Variants in ELMOD1 observed in about 807,000 individuals in gnomAD.
The protein encoded by ELMOD1 is ELMO domain containing 1.
A neutral mutation model predicts 46.7 loss-of-function variants in ELMOD1; 21 were observed. The ratio of observed to expected loss-of-function variants is 0.45; its 90% confidence interval spans 0.32 to 0.65. The LOEUF (loss-of-function observed/expected upper bound fraction) is 0.65, where lower values mean the gene tolerates loss of function less well. Ranked by LOEUF, ELMOD1 falls within the 30% of genes least tolerant of loss-of-function variation. The pLI is 0.04. For synonymous variants in ELMOD1, 122 were observed against 138.2 expected (o/e 0.88, Z 0.82); for missense variants, 348 against 407.8 (o/e 0.85, Z 1.26).
intron 9 of ELMOD1, among the ~76,000 whole-genome samples, chr11:107,652,223 C>G (rs1159832448): frequency 6.6e-6 from 1 of 152,176 alleles, no homozygotes; most frequent in Non-Finnish European, 1.5e-5. Flanking sequence ...TTCTGTCAAG[C>G]CCTGAATATT....
chr11:107,596,081 A>G (rs562486931), intron 1 of ELMOD1, among the ~76,000 whole-genome samples: 2 of 152,124 alleles, frequency 1.3e-5, no homozygotes, highest in Admixed American at 1.3e-4. Context: ...AAGTCTTTAC[A>G]TAACTTTTAA....
intron 1 of ELMOD1, among the ~76,000 whole-genome samples, chr11:107,610,998 C>CAAAAAAA (rs58417281): frequency 1.1e-4 from 11 of 95,788 alleles, no homozygotes; most frequent in Non-Finnish European, 1.5e-4. Context: ...TGTAAGAATC[C>CAAAAAAA]AAAAAAAAAA....
chr11:107,655,889 C>A (rs1483824709), intron 10 of ELMOD1, 44 bp from the exon 11 acceptor site: 9 of 1,576,656 alleles, frequency 5.7e-6, no homozygotes, highest in Non-Finnish European at 7.8e-6. Flanking sequence ...ATACTTATTT[C>A]TTCTATGTGA....
chr11:107,601,668 G>A (rs1417776074), intron 1 of ELMOD1, among the ~76,000 whole-genome samples: 1 of 151,396 alleles, frequency 6.6e-6, no homozygotes, highest in Admixed American at 6.6e-5. Flanking sequence ...CACCTGCCTC[G>A]GCCTCCCAAA....
At position 107,635,701 on chromosome 11, in the gene ELMOD1, T is replaced by C; in HGVS notation, c.356T>C (p.Val119Ala). 6.2e-7 allele frequency: 1 copy of C among 1,613,950 alleles called. No homozygotes were observed. The highest frequency in any genetic ancestry group is 8.5e-7 in the Non-Finnish European group (1 of 1,179,872). Residue 119 changes from valine (V) to alanine (A), a missense_variant, in exon 6 of 12, where the codon GTG becomes GCG. Transcript: ENST00000265840. Reference protein sequence around the residue: ...IVGYRNLIADVEKLRREAYDS... With the variant: ...IVGYRNLIADAEKLRREAYDS... Reference sequence around the variant, plus strand: ...GGGTACAGGAACCTTATTGCAGATGTGGAAAAACTGCGTAGAGAGGCCTAT... The same window carrying C: ...GGGTACAGGAACCTTATTGCAGATGCGGAAAAACTGCGTAGAGAGGCCTAT...
At chr11:107,607,341 T>C (rs1865702754) in intron 1 of ELMOD1, among the ~76,000 whole-genome samples, 1 of 152,226 alleles carries the variant, frequency 6.6e-6, no homozygotes, top group Non-Finnish European at 1.5e-5. Context: ...AGAAAAGCTT[T>C]AAAGTGACAC....
At chr11:107,642,534 A>AT (rs1240940024) in intron 6 of ELMOD1, among the ~76,000 whole-genome samples, 5 of 151,296 alleles carry the variant, frequency 3.3e-5, no homozygotes, top group East Asian at 2.0e-4. Context: ...CACCCAGCTA[A>AT]TTTTTTTTGT....
At chr11:107,642,424 A>G (rs1017186541) in intron 6 of ELMOD1, among the ~76,000 whole-genome samples, 1 of 152,032 alleles carries the variant, frequency 6.6e-6, no homozygotes, top group Non-Finnish European at 1.5e-5. Flanking sequence ...GCTGGAGTGC[A>G]GTGGCACGAT....
At chr11:107,635,113 T>G (rs1436481539) in intron 5 of ELMOD1, among the ~76,000 whole-genome samples, 1 of 152,222 alleles carries the variant, frequency 6.6e-6, no homozygotes, top group Non-Finnish European at 1.5e-5. Context: ...TTTTTTTCCT[T>G]GAAGCCCTTA....
At chr11:107,660,509 T>G (rs1866720584) in intron 11 of ELMOD1, among the ~76,000 whole-genome samples, 1 of 152,162 alleles carries the variant, frequency 6.6e-6, no homozygotes, top group South Asian at 2.1e-4. Context: ...CAAACTATTT[T>G]TTTCTTTGAC....
chr11:107,614,128 C>T (rs1865822176), intron 1 of ELMOD1, among the ~76,000 whole-genome samples: 2 of 152,134 alleles, frequency 1.3e-5, no homozygotes, highest in African/African-American at 2.4e-5. Context: ...CAACCACTGC[C>T]GCAGTCAATC....
At position 107,637,974 on chromosome 11, in the gene ELMOD1, C is replaced by T. The variant is rs368546929; in HGVS notation, c.420+2209C>T. 7.9e-5 allele frequency among the ~76,000 whole-genome samples: 12 copies of T among 152,256 alleles called. 1 individual carries two copies. The highest frequency in any genetic ancestry group is 2.9e-4 in the African/African-American group (12 of 41,556). ...GTCCTATAGTAGAAAGCCCACGCAT[C>T]TTAGCATGGCATTTTGGAGGCTTTC... On this transcript the variant is annotated intron_variant, in intron 6 of 11. Transcript: ENST00000265840.
chr11:107,616,426 C>G (rs1865864051), intron 1 of ELMOD1, among the ~76,000 whole-genome samples: 1 of 152,138 alleles, frequency 6.6e-6, no homozygotes. Context: ...TTCACCCAGG[C>G]TGGAGTGCAG....
chr11:107,595,994 G>A (rs192883761), intron 1 of ELMOD1, among the ~76,000 whole-genome samples: 325 of 152,096 alleles, frequency 2.1e-3, no homozygotes, highest in African/African-American at 7.5e-3. Context: ...CAAAATAATT[G>A]TGGCAAATGC....
At chr11:107,631,774 C>T (rs1866146122) in intron 5 of ELMOD1, 97 bp downstream of exon 5, 2 of 594,278 alleles carry the variant, frequency 3.4e-6, no homozygotes, top group Non-Finnish European at 5.5e-6. Context: ...TTCTCCCTCT[C>T]TCCCTAAAAT....
intron 11 of ELMOD1, among the ~76,000 whole-genome samples, chr11:107,658,975 C>A (rs992260705): frequency 4.6e-5 from 7 of 152,182 alleles, no homozygotes. Flanking sequence ...GCTGCCTTAG[C>A]TCACTCAGCC....
chr11:107,629,102 A>G (rs1238094967), intron 2 of ELMOD1, among the ~76,000 whole-genome samples: 1 of 152,092 alleles, frequency 6.6e-6, no homozygotes, highest in Non-Finnish European at 1.5e-5. Context: ...GTTTCTTTCC[A>G]TTTCCTTTGC....
At chr11:107,648,704 G>A (rs1359929172) in intron 7 of ELMOD1, among the ~76,000 whole-genome samples, 9 of 149,424 alleles carry the variant, frequency 6.0e-5, no homozygotes. Context: ...TTCAATTTTT[G>A]TATTTGCTTG....
chr11:107,664,346 A>G (rs981786281), intron 11 of ELMOD1, among the ~76,000 whole-genome samples: 1 of 152,160 alleles, frequency 6.6e-6, no homozygotes, highest in African/African-American at 2.4e-5. Context: ...ATGGGGAACA[A>G]AGCACAATGA....
Sources: gnomAD v4.1 joint callset for allele counts (sites outside exome capture counted in the v4.1 genomes callset) on GRCh38, gnomAD v4.1.1 for gene constraint, MANE v1.5 for transcripts, NCBI Gene and HGNC (gene_info 2026-07-23, HGNC 2026-07-21) for gene names.